The following EGFLAM variants were observed in gnomAD, a reference collection of about 807,000 sequenced individuals.
EGFLAM encodes pikachurin.
In EGFLAM, 79 loss-of-function variants were observed where a neutral mutation model predicts 113.1. The ratio of observed to expected loss-of-function variants is 0.70; its 90% CI spans 0.58 to 0.84. The LOEUF is 0.84. EGFLAM is among the 40% of genes least tolerant of loss of function. EGFLAM has a pLI of 0.00. For missense variants in EGFLAM, 1,265 were observed against 1,291.6 expected, an observed-to-expected ratio of 0.98 and a Z score of 0.32; for synonymous variants, 504 against 487.6, an observed-to-expected ratio of 1.03 and a Z score of -0.44.
intron 10 of EGFLAM, among the ~76,000 whole-genome samples, chr5:38,411,455 C>A (rs955753305): frequency 6.7e-6 from 1 of 148,712 alleles, no homozygotes; most frequent in African/African-American, 2.5e-5. Context: ...AACGGGAATG[C>A]GGATTAGCTA....
At chr5:38,451,834 A>G (rs1742923438) in intron 19 of EGFLAM, among the ~76,000 whole-genome samples, 1 of 151,980 alleles carries the variant, frequency 6.6e-6, no homozygotes. Flanking sequence ...CTACTAAAAA[A>G]TACAAAAATT....
chr5:38,323,823 C>T (rs977899033), intron 1 of EGFLAM, among the ~76,000 whole-genome samples: 8 of 151,890 alleles, frequency 5.3e-5, no homozygotes, highest in East Asian at 3.9e-4. Flanking sequence ...CCAAGGTGGG[C>T]GGATCACTTG....
intron 4 of EGFLAM, among the ~76,000 whole-genome samples, chr5:38,350,935 G>A (rs1055362545): frequency 6.6e-6 from 1 of 152,032 alleles, no homozygotes; most frequent in African/African-American, 2.4e-5. Flanking sequence ...GAATTAAGAA[G>A]GTGAGGAAGG....
rs1742672701 is a variant in EGFLAM at position 38,445,394 on chromosome 5, T to C, written c.2465-2907T>C. Reference sequence around the variant, plus strand: ...GGGAGCCTCAGAAGTGTCAGACAGCTGATTCTAAACATCTTCTTGGTCCAC... The same window carrying C: ...GGGAGCCTCAGAAGTGTCAGACAGCCGATTCTAAACATCTTCTTGGTCCAC... On this transcript the variant is annotated intron_variant, in intron 17 of 21. Transcript: ENST00000322350. 5 of 1,095,182 alleles carry C rather than the reference T, an allele frequency of 4.6e-6. No individual in the cohort carries two copies. The East Asian group carries it at 1.5e-4, about 33-fold the overall frequency. The allele number at this position is 1,095,182 out of a possible 1,614,324, so 67.8% of individuals were successfully genotyped here.
rs13156633 is a variant in EGFLAM at position 38,413,211 on chromosome 5, T to A, written c.1494+563T>A. Among the ~76,000 whole-genome samples the A allele has an allele frequency of 2.8e-3, 343 of 124,310 alleles. 1 individual carries two copies. Among genetic ancestry groups the A allele is most frequent in the African/African-American group, 1.0e-2 (325 of 32,532 alleles). 81.6% of individuals were successfully genotyped at this position (124,310 alleles called of 152,430 possible). A position where few individuals can be genotyped will look rare whatever the true frequency, so the allele number is the denominator to read the frequency against. On this transcript the variant is annotated intron_variant, in intron 11 of 21. Transcript: ENST00000322350. ...TTTTTTTTTTTTTTTTTTTTTTTTG[T>A]AGAGTTAGAGTTTCACTGTGTTGCC...
chr5:38,346,295 G>A (rs762445375), intron 3 of EGFLAM, among the ~76,000 whole-genome samples: 1 of 152,126 alleles, frequency 6.6e-6, no homozygotes, highest in Non-Finnish European at 1.5e-5. Context: ...AGTGATTATG[G>A]TAAATATTGT....
chr5:38,389,864 C>T (rs1002888655), intron 6 of EGFLAM, among the ~76,000 whole-genome samples: 28 of 152,162 alleles, frequency 1.8e-4, no homozygotes, highest in African/African-American at 6.5e-4. Context: ...TCATCCACTA[C>T]ATCACTGATT....
At position 38,368,626 on chromosome 5, in the gene EGFLAM, A is replaced by G. The variant is rs537263629; in HGVS notation, c.546-1670A>G. ...ACTTTTTTGTTTCCTGCCTTCCTCT[A>G]AATATCTGTGAGCAGAGGTGTTTAA... is the stretch of plus-strand genomic sequence containing the variant. On this transcript the variant is annotated intron_variant, in intron 5 of 21. Coordinates refer to ENST00000322350, the MANE Select transcript of EGFLAM (RefSeq NM_152403.4). 2.0e-5 allele frequency among the ~76,000 whole-genome samples: 3 copies of G among 152,252 alleles called. No individual in the cohort carries two copies. The Middle Eastern group carries it at 0.01, about 518-fold the overall frequency.
chr5:38,436,029 G>A (rs1394612290), intron 16 of EGFLAM, among the ~76,000 whole-genome samples: 3 of 151,970 alleles, frequency 2.0e-5, no homozygotes, highest in African/African-American at 7.3e-5. Flanking sequence ...TGTTGGCCAG[G>A]CTGGTCTCGA....
At chr5:38,290,046 C>A (rs1426440286) in intron 1 of EGFLAM, among the ~76,000 whole-genome samples, 1 of 152,194 alleles carries the variant, frequency 6.6e-6, no homozygotes, top group Non-Finnish European at 1.5e-5. Context: ...GACAGATGAG[C>A]AAACTGAGCA....
At chr5:38,424,325 C>T (rs1210073330) in intron 12 of EGFLAM, among the ~76,000 whole-genome samples, 1 of 152,020 alleles carries the variant, frequency 6.6e-6, no homozygotes, top group Non-Finnish European at 1.5e-5. Context: ...CTTCTTACCA[C>T]AGGCCACCTT....
intron 10 of EGFLAM, among the ~76,000 whole-genome samples, chr5:38,410,506 C>T (rs1741444022): frequency 6.6e-6 from 1 of 152,162 alleles, no homozygotes; most frequent in Non-Finnish European, 1.5e-5. Flanking sequence ...AAAGGGAGGG[C>T]CTGAGAAGTG....
intron 20 of EGFLAM, among the ~76,000 whole-genome samples, chr5:38,459,519 G>T (rs776720384): frequency 6.6e-6 from 1 of 152,160 alleles, no homozygotes; most frequent in South Asian, 2.1e-4. Context: ...CGAAATAGCA[G>T]GCTGAAACTT....
intron 9 of EGFLAM, 107 bp from the exon 10 acceptor site, chr5:38,408,897 T>C: frequency 1.1e-6 from 1 of 914,834 alleles, no homozygotes; most frequent in Non-Finnish European, 1.8e-6. Context: ...GTAGATAGGA[T>C]CGTGGAGGAG....
chr5:38,318,437 C>G (rs1156462554), intron 1 of EGFLAM, among the ~76,000 whole-genome samples: 1 of 149,906 alleles, frequency 6.7e-6, no homozygotes, highest in African/African-American at 2.5e-5. Context: ...GCTATATATA[C>G]TATAGTATAC....
At chr5:38,399,504 C>T (rs1001819145) in intron 6 of EGFLAM, among the ~76,000 whole-genome samples, 5 of 152,008 alleles carry the variant, frequency 3.3e-5, no homozygotes, top group Non-Finnish European at 2.9e-5. Flanking sequence ...TCTCAAATTC[C>T]TGAGCTCAAG....
rs1450857672 is a variant in EGFLAM at position 38,464,749 on chromosome 5, C to G, written c.*763C>G. On this transcript the variant is annotated 3_prime_UTR_variant, in exon 22 of 22. Coordinates refer to ENST00000322350, the MANE Select transcript of EGFLAM (RefSeq NM_152403.4). ...TTGGGTGGATGACTCTGAATTCTTG[C>G]ACACCTTTCCTAAAAATTTCTCCCA... The G allele has an allele frequency of 6.6e-6, 1 of 152,196 alleles. No individual in the cohort carries two copies. Among genetic ancestry groups the G allele is most frequent in the Non-Finnish European group, 1.5e-5 (1 of 68,044 alleles). 9.4% of individuals were successfully genotyped at this position (152,196 alleles called of 1,614,324 possible).
rs767502034 is a variant in EGFLAM, at chr5:38,326,342, G to A, written c.98-11178G>A. Among the ~76,000 whole-genome samples, 71 of 152,306 alleles carry A rather than the reference G, an allele frequency of 4.7e-4. 1 individual carries two copies. The highest frequency in any genetic ancestry group is 1.1e-3 in the African/African-American group (47 of 41,560). ...CTGTTCTAGCTGATGAGCAGCAACC[G>A]AAGTAGAGAGGAGCGAATGGCCGCC... On this transcript the variant is annotated intron_variant, in intron 1 of 21. Coordinates refer to ENST00000322350, the MANE Select transcript of EGFLAM (RefSeq NM_152403.4).
chr5:38,451,731 C>T (rs956177245), intron 19 of EGFLAM: 7 of 374,518 alleles, frequency 1.9e-5, no homozygotes, highest in Non-Finnish European at 2.9e-5. Flanking sequence ...TGGCTCACGC[C>T]TGTAATCCTA....
Sources: allele counts gnomAD v4.1 joint callset (sites outside exome capture counted in the v4.1 genomes callset), GRCh38; gene constraint gnomAD v4.1.1; transcripts MANE v1.5; gene names NCBI Gene and HGNC (gene_info 2026-07-23, HGNC 2026-07-21).